ARHGAP15: variants seen among roughly 807,000 people sequenced by gnomAD.
The protein encoded by ARHGAP15 is Rho GTPase activating protein 15.
ARHGAP15 carries 51 observed loss-of-function variants against 63.7 expected under a neutral mutation model. The observed-to-expected ratio is 0.80, with a 90% CI of 0.64 to 1.01. The LOEUF (loss-of-function observed/expected upper bound fraction) is 1.01, where lower values mean the gene tolerates loss of function less well. Ranked by LOEUF, ARHGAP15 falls within the 50% of genes least tolerant of loss-of-function variation. ARHGAP15 has a pLI of 0.00. For synonymous variants in ARHGAP15, 191 were observed against 193.8 expected, an observed-to-expected ratio of 0.99 and a Z score of 0.12; for missense variants, 560 against 564.6, an observed-to-expected ratio of 0.99 and a Z score of 0.08.
intron 13 of ARHGAP15, among the ~76,000 whole-genome samples, chr2:143,712,999 T>C (rs1684649960): frequency 6.6e-6 from 1 of 152,190 alleles, no homozygotes. Flanking sequence ...ACATAGATAC[T>C]CAATAATTTT....
At chr2:143,341,216 C>T (rs2105286750) in intron 6 of ARHGAP15, among the ~76,000 whole-genome samples, 1 of 152,098 alleles carries the variant, frequency 6.6e-6, no homozygotes, top group Admixed American at 6.6e-5. Context: ...GGGGATGAAC[C>T]ACATCCCCTT....
At chr2:143,142,589 C>T (rs564572886) in intron 1 of ARHGAP15, among the ~76,000 whole-genome samples, 8 of 152,096 alleles carry the variant, frequency 5.3e-5, no homozygotes, top group Non-Finnish European at 7.4e-5. Flanking sequence ...ATTTTTGAAT[C>T]GCATGATGTA....
chr2:143,469,210 T>C lies in ARHGAP15; in HGVS notation c.704-18163T>C, dbSNP rs1018015743. On this transcript the variant is annotated intron_variant, in intron 8 of 13. Coordinates refer to ENST00000295095, the MANE Select transcript of ARHGAP15 (RefSeq NM_018460.4). Reference sequence around the variant, plus strand: ...TCGACCCATTCACACCTGACAGATATATTTTAAAGTCTGGGTATAAATATA... The same window carrying C: ...TCGACCCATTCACACCTGACAGATACATTTTAAAGTCTGGGTATAAATATA... 2.0e-5 allele frequency among the ~76,000 whole-genome samples: 3 copies of C among 152,066 alleles called. 1 individual carries two copies. The highest frequency in any genetic ancestry group is 3.9e-4 in the East Asian group (2 of 5,190).
intron 6 of ARHGAP15, among the ~76,000 whole-genome samples, chr2:143,401,499 T>A (rs1347018286): frequency 6.6e-6 from 1 of 152,044 alleles, no homozygotes; most frequent in Non-Finnish European, 1.5e-5. Flanking sequence ...ATTCTTTACA[T>A]ATTGACAAAT....
chr2:143,410,961 T>C (rs1688416685), intron 6 of ARHGAP15, among the ~76,000 whole-genome samples: 1 of 152,112 alleles, frequency 6.6e-6, no homozygotes, highest in Non-Finnish European at 1.5e-5. Flanking sequence ...CTCAGCACTT[T>C]GGAAGGCCAA....
intron 6 of ARHGAP15, among the ~76,000 whole-genome samples, chr2:143,337,474 A>AT (rs1481146874): frequency 2.0e-5 from 3 of 152,096 alleles, no homozygotes; most frequent in African/African-American, 7.2e-5. Flanking sequence ...GGATTCAGGG[A>AT]TTTTGCCTAC....
At chr2:143,380,175 GCTT>G (rs1355749690) in intron 6 of ARHGAP15, among the ~76,000 whole-genome samples, 2 of 152,080 alleles carry the variant, frequency 1.3e-5, no homozygotes, top group African/African-American at 4.8e-5. Flanking sequence ...TTAGTACTCT[GCTT>G]CTTATTAGTC....
At chr2:143,421,056 C>CT (rs889180428) in intron 6 of ARHGAP15, among the ~76,000 whole-genome samples, 9 of 152,260 alleles carry the variant, frequency 5.9e-5, no homozygotes, top group Non-Finnish European at 1.2e-4. Context: ...GTTTGCCAGG[C>CT]TTTTAACTTC....
intron 13 of ARHGAP15, among the ~76,000 whole-genome samples, chr2:143,746,686 T>C (rs1000472235): frequency 6.6e-6 from 1 of 152,138 alleles, no homozygotes; most frequent in Non-Finnish European, 1.5e-5. Context: ...TGCAATCTAA[T>C]TGAGAGAGTA....
intron 1 of ARHGAP15, among the ~76,000 whole-genome samples, chr2:143,153,635 C>A (rs1376694467): frequency 3.3e-5 from 5 of 151,912 alleles, no homozygotes; most frequent in Non-Finnish European, 7.4e-5. Flanking sequence ...AGGTAACAGA[C>A]ATACCCATCA....
intron 1 of ARHGAP15, among the ~76,000 whole-genome samples, chr2:143,138,972 A>G (rs1170423717): frequency 6.6e-6 from 1 of 152,042 alleles, no homozygotes; most frequent in Non-Finnish European, 1.5e-5. Context: ...TGTGTGGCTC[A>G]TATTATATTT....
chr2:143,641,524 T>C (rs570810315), intron 12 of ARHGAP15, among the ~76,000 whole-genome samples: 3 of 152,274 alleles, frequency 2.0e-5, no homozygotes, highest in African/African-American at 7.2e-5. Context: ...CATCAAAAGT[T>C]ACTTCAGGAG....
chr2:143,377,297 A>G (rs962336857), intron 6 of ARHGAP15, among the ~76,000 whole-genome samples: 6 of 152,080 alleles, frequency 3.9e-5, no homozygotes, highest in Non-Finnish European at 7.4e-5. Flanking sequence ...TCTAATTAAC[A>G]TACTTTTTAA....
chr2:143,756,270 A>G (rs796778423), intron 13 of ARHGAP15, among the ~76,000 whole-genome samples: 4 of 152,320 alleles, frequency 2.6e-5, no homozygotes, highest in East Asian at 1.9e-4. Context: ...TAAGTACTAT[A>G]TACTCCACTA....
At chr2:143,717,085 G>A (rs1023878761) in intron 13 of ARHGAP15, among the ~76,000 whole-genome samples, 4 of 152,224 alleles carry the variant, frequency 2.6e-5, no homozygotes, top group African/African-American at 9.6e-5. Context: ...ATGCATGCCT[G>A]CATATATACA....
chr2:143,339,158 C>T (rs562195757), intron 6 of ARHGAP15, among the ~76,000 whole-genome samples: 2 of 152,082 alleles, frequency 1.3e-5, no homozygotes, highest in South Asian at 4.2e-4. Context: ...CAGGAAAGGG[C>T]CTGTTGTTTT....
intron 6 of ARHGAP15, among the ~76,000 whole-genome samples, chr2:143,400,800 T>C (rs1038956553): frequency 3.3e-5 from 5 of 152,058 alleles, no homozygotes; most frequent in Non-Finnish European, 7.4e-5. Flanking sequence ...TTGTTTAGTC[T>C]CAATTCTCCC....
intron 6 of ARHGAP15, among the ~76,000 whole-genome samples, chr2:143,381,164 A>C (rs1687038643): frequency 6.6e-6 from 1 of 152,202 alleles, no homozygotes; most frequent in Admixed American, 6.6e-5. Flanking sequence ...TGAAGTCTTC[A>C]TTCAAATTCT....
rs143467272 is a variant in ARHGAP15 at position 143,396,934 on chromosome 2, G to A, written c.475-38667G>A. On this transcript the variant is annotated intron_variant, in intron 6 of 13. Transcript: ENST00000295095. ...ATTTCTAACCTGCAACAGTAAAGGC[G>A]ATGAGGTATAGTGAGGCAATGACTC... 2.9e-4 allele frequency among the ~76,000 whole-genome samples: 44 copies of A among 152,230 alleles called. 1 individual carries two copies. In the South Asian group the frequency reaches 4.4e-3, roughly 15 times the overall value.
Sources: gnomAD v4.1 joint callset for allele counts (sites outside exome capture counted in the v4.1 genomes callset) on GRCh38, gnomAD v4.1.1 for gene constraint, MANE v1.5 for transcripts, NCBI Gene and HGNC (gene_info 2026-07-23, HGNC 2026-07-21) for gene names.